The following RBM47 variants were observed in gnomAD, a reference collection of about 807,000 sequenced individuals.
The protein encoded by RBM47 is RNA-binding protein 47.
RBM47 carries 21 observed loss-of-function variants against 47.1 expected under a neutral mutation model. The observed-to-expected ratio is 0.45, with a 90% CI of 0.32 to 0.64. The LOEUF is 0.64. RBM47 is among the 30% of genes least tolerant of loss of function. The probability of loss-of-function intolerance (pLI) is 0.05; values close to 1 mark genes in which losing one functional copy is unlikely to be tolerated. For synonymous variants in RBM47, 375 were observed against 361.7 expected, an observed-to-expected ratio of 1.04 and a Z score of -0.42; for missense variants, 708 against 870.9, an observed-to-expected ratio of 0.81 and a Z score of 2.35.
chr4:40,583,868 AAAC>A (rs1560486578), intron 1 of RBM47, among the ~76,000 whole-genome samples: 2 of 140,586 alleles, frequency 1.4e-5, no homozygotes, highest in African/African-American at 5.3e-5. Flanking sequence ...AAAAAAAAAA[AAAC>A]AAAAAACAAA....
intron 2 of RBM47, among the ~76,000 whole-genome samples, chr4:40,506,585 A>C (rs757499062): frequency 6.6e-6 from 1 of 152,244 alleles, no homozygotes; most frequent in Non-Finnish European, 1.5e-5. Flanking sequence ...TCTGTTACAC[A>C]GGACAAGACC....
intron 1 of RBM47, among the ~76,000 whole-genome samples, chr4:40,554,040 C>A (rs537193036): frequency 6.6e-6 from 1 of 152,078 alleles, no homozygotes; most frequent in Non-Finnish European, 1.5e-5. Flanking sequence ...TCAGGAGACG[C>A]GGGACCACTT....
rs528491127 is a variant in RBM47, at chr4:40,625,171, AG to A, written c.-240+4224del. Among the ~76,000 whole-genome samples, 9 of 152,254 alleles carry A rather than the reference AG, an allele frequency of 5.9e-5. No individual in the cohort carries two copies. The East Asian group carries it at 1.5e-3, about 26-fold the overall frequency. On this transcript the variant is annotated intron_variant, in intron 1 of 6. Coordinates refer to ENST00000295971, the MANE Select transcript of RBM47 (RefSeq NM_001098634.2). The stretch of plus-strand genomic sequence containing the variant: ...CCTAAGCCATCTTTTTAAAAGTCAC[AG>A]TGCTATTATCATCACCAACTTGGAA...
chr4:40,434,983 T>C (rs1435135037), intron 5 of RBM47, among the ~76,000 whole-genome samples: 1 of 152,076 alleles, frequency 6.6e-6, no homozygotes, highest in Non-Finnish European at 1.5e-5. Flanking sequence ...TTCCATGTGT[T>C]TGGATGCTTC....
chr4:40,569,411 ATT>A (rs34044561), intron 1 of RBM47, among the ~76,000 whole-genome samples: 14 of 140,096 alleles, frequency 1.0e-4, no homozygotes, highest in Admixed American at 2.9e-4. Flanking sequence ...TTCTATTCTC[ATT>A]TTTTTTTTTT....
intron 2 of RBM47, among the ~76,000 whole-genome samples, chr4:40,518,508 C>G (rs1725859156): frequency 1.3e-5 from 2 of 152,054 alleles, no homozygotes; most frequent in South Asian, 4.1e-4. Flanking sequence ...CTACAATAAT[C>G]AAGTATTTGA....
At chr4:40,436,753 G>A in intron 4 of RBM47, 106 bp from the exon 5 acceptor site, 1 of 1,064,388 alleles carries the variant, frequency 9.4e-7, no homozygotes, top group Non-Finnish European at 1.4e-6. Context: ...CTTAATTGCA[G>A]GTGGCTACAC....
intron 6 of RBM47, 114 bp from the exon 7 acceptor site, chr4:40,426,257 G>A: frequency 7.3e-7 from 1 of 1,367,726 alleles, no homozygotes; most frequent in Non-Finnish European, 9.8e-7. Flanking sequence ...AAGCAAGGGA[G>A]AGAAAGGCAG....
Position 40,423,704 on chromosome 4 carries a change from C to CTTACTTTCT in RBM47, c.*2199_*2200insAGAAAGTAA. On this transcript the variant is annotated 3_prime_UTR_variant, in exon 7 of 7. Coordinates refer to ENST00000295971, the MANE Select transcript of RBM47 (RefSeq NM_001098634.2). ...TCTTTCTTTCTTTCTTTCTTTCTTTCTTTCTTTCTTTTCTTTCTTTTCTTT... is the reference window on the plus strand; with the variant it reads ...TCTTTCTTTCTTTCTTTCTTTCTTTCTTACTTTCTTTTCTTTCTTTTCTTTCTTTTCTTT... 1 of 45,566 alleles carries CTTACTTTCT rather than the reference C, an allele frequency of 2.2e-5. No individual in the cohort carries two copies. The highest frequency in any genetic ancestry group is 7.1e-4 in the East Asian group (1 of 1,416). The allele number at this position is 45,566 out of a possible 1,614,324, so 2.8% of individuals were successfully genotyped here.
At chr4:40,539,739 CAAAAAAAAAAAAAAAA>C (rs56005602) in intron 2 of RBM47, among the ~76,000 whole-genome samples, 1 of 56,294 alleles carries the variant, frequency 1.8e-5, no homozygotes, top group African/African-American at 6.9e-5. Flanking sequence ...GACTCTGTCT[CAAAAAAAAAAAAAAAA>C]AAAAAAAAAA....
intron 1 of RBM47, among the ~76,000 whole-genome samples, chr4:40,560,115 C>A (rs1002862552): frequency 6.6e-6 from 1 of 152,164 alleles, no homozygotes; most frequent in Non-Finnish European, 1.5e-5. Context: ...TGTCAAAACG[C>A]AGCCAAGCTG....
Position 40,583,415 on chromosome 4 carries a change from G to A in RBM47, c.-239-38909C>T, listed in dbSNP as rs374427354. ...AAAAAAAAAAAAAAAAAAAAAAAAA[G>A]GGAAACAGAAGCTGGACAAGGTGAT... On this transcript the variant is annotated intron_variant, in intron 1 of 6. Coordinates refer to ENST00000295971, the MANE Select transcript of RBM47 (RefSeq NM_001098634.2). 6.9e-5 allele frequency among the ~76,000 whole-genome samples: 9 copies of A among 130,120 alleles called. No homozygotes were observed. In the South Asian group the frequency reaches 7.2e-4, roughly 10 times the overall value. 85.4% of individuals were successfully genotyped at this position (130,120 alleles called of 152,430 possible). A position where few individuals can be genotyped will look rare whatever the true frequency, so the allele number is the denominator to read the frequency against.
intron 1 of RBM47, among the ~76,000 whole-genome samples, chr4:40,570,875 C>A (rs1731635808): frequency 6.6e-6 from 1 of 151,876 alleles, no homozygotes; most frequent in Non-Finnish European, 1.5e-5. Context: ...TCCAAACTAA[C>A]AGAGGAAACA....
intron 1 of RBM47, among the ~76,000 whole-genome samples, chr4:40,561,577 T>C (rs1730638742): frequency 7.0e-6 from 1 of 141,958 alleles, no homozygotes; most frequent in South Asian, 2.2e-4. Context: ...TGAGACAGGG[T>C]CTTGCTCTGT....
At chr4:40,467,440 C>T (rs1182226050) in intron 2 of RBM47, among the ~76,000 whole-genome samples, 1 of 152,064 alleles carries the variant, frequency 6.6e-6, no homozygotes, top group Non-Finnish European at 1.5e-5. Flanking sequence ...CAGGTGCCCA[C>T]CACCACGCCT....
chr4:40,504,909 G>A (rs1186136158), intron 2 of RBM47, among the ~76,000 whole-genome samples: 2 of 152,204 alleles, frequency 1.3e-5, no homozygotes, highest in East Asian at 3.8e-4. Flanking sequence ...AGTACTTGGG[G>A]AGGACCAAGG....
intron 1 of RBM47, among the ~76,000 whole-genome samples, chr4:40,586,834 G>A (rs551595385): frequency 1.3e-4 from 20 of 152,154 alleles, no homozygotes; most frequent in Non-Finnish European, 2.4e-4. Flanking sequence ...CACAGTCACA[G>A]TGGGTCAATC....
At chr4:40,531,588 G>C (rs1489137214) in intron 2 of RBM47, among the ~76,000 whole-genome samples, 1 of 152,172 alleles carries the variant, frequency 6.6e-6, no homozygotes, top group Non-Finnish European at 1.5e-5. Flanking sequence ...CAGATAGGTT[G>C]TACAATGGAC....
intron 1 of RBM47, among the ~76,000 whole-genome samples, chr4:40,577,143 G>A (rs992449003): frequency 6.6e-6 from 1 of 152,212 alleles, no homozygotes; most frequent in Non-Finnish European, 1.5e-5. Context: ...AGTCAATCAT[G>A]AACACATGAC....
Sources: allele counts gnomAD v4.1 joint callset (sites outside exome capture counted in the v4.1 genomes callset), GRCh38; gene constraint gnomAD v4.1.1; transcripts MANE v1.5; gene names NCBI Gene and HGNC (gene_info 2026-07-23, HGNC 2026-07-21).